HGS: variants seen among roughly 807,000 people sequenced by gnomAD.
HGS encodes the protein hepatocyte growth factor-regulated tyrosine kinase substrate.
HGS carries 63 observed loss-of-function variants against 109.7 expected under a neutral mutation model. The ratio of observed to expected loss-of-function variants is 0.57; its 90% CI spans 0.47 to 0.71. The LOEUF (loss-of-function observed/expected upper bound fraction) is 0.71, where lower values mean the gene tolerates loss of function less well. HGS is among the 30% of genes least tolerant of loss of function. The pLI, the probability that HGS is intolerant of heterozygous loss-of-function variation, is 0.00. For missense variants in HGS, 995 were observed against 1,068.3 expected (o/e 0.93, Z 0.96); for synonymous variants, 546 against 437.3 (o/e 1.25, Z -3.10).
In HGS at chr17:81,701,532, C is replaced by A. The variant is rs1186119698; in HGVS notation, c.2248C>A (p.Gln750Lys). 1.9e-6 allele frequency: 3 copies of A among 1,563,096 alleles called. No individual in the cohort carries two copies. Among genetic ancestry groups the A allele is most frequent in the Admixed American group, 1.8e-5 (1 of 55,798 alleles). ...QQMAPSGGPP[Q>K]QQPPVAQQPQ... Reference sequence around the variant, plus strand: ...GATGGCACCCTCTGGCGGTCCCCCCCAGCAGCAGCCCCCCGTGGCCCAGCA... The same window carrying A: ...GATGGCACCCTCTGGCGGTCCCCCCAAGCAGCAGCCCCCCGTGGCCCAGCA... Residue 750 changes from glutamine to lysine, a missense_variant, in exon 22 of 22, where the codon CAG becomes AAG. Physicochemically the swap from Gln to Lys is moderately conservative, Grantham distance 53 (BLOSUM62 1). Around this residue, in one of 6 missense-constraint regions of HGS, gnomAD observed 326 missense variants for 309.7 expected, o/e 1.05. Transcript: ENST00000329138.
chr17:81,695,558 C>T, intron 14 of HGS: 3 of 602,378 alleles, frequency 5.0e-6, no homozygotes, highest in South Asian at 4.0e-5. Context: ...GGAGAGGGAG[C>T]TGGCAGTGGG....
intron 1 of HGS, 124 bp from the exon 2 acceptor site, chr17:81,685,481 T>G (rs1196804103): frequency 3.3e-6 from 2 of 612,720 alleles, no homozygotes; most frequent in Admixed American, 3.2e-5. Context: ...CTGTCATGCT[T>G]TTTCATTTGG....
chr17:81,701,367 G>T, intron 21 of HGS, 141 bp from the exon 22 acceptor site: 1 of 977,150 alleles, frequency 1.0e-6, no homozygotes, highest in Non-Finnish European at 1.5e-6. Flanking sequence ...GGCAAAGGCC[G>T]CATGAGCTGG....
intron 5 of HGS, 80 bp downstream of exon 5, chr17:81,688,907 G>A (rs1032852529): frequency 1.9e-6 from 3 of 1,568,472 alleles, no homozygotes; most frequent in African/African-American, 1.4e-5. Flanking sequence ...AGTGGCGAGG[G>A]GCCTGGGAAG....
intron 1 of HGS, 107 bp downstream of exon 1, chr17:81,684,210 G>C (rs2036931194): frequency 9.6e-7 from 1 of 1,039,070 alleles, no homozygotes. Flanking sequence ...CGGCCGCCCT[G>C]CCCGCCTCTC....
At position 81,700,495 on chromosome 17, in the gene HGS, C is replaced by T; in HGVS notation, c.1911C>T (p.Tyr637=). The change falls in exon 19 of 22, where the codon TAC becomes TAT. Residue 637 remains tyrosine, a synonymous_variant. Coordinates refer to ENST00000329138, the MANE Select transcript of HGS (RefSeq NM_004712.5). ...ADPSMVSAYM[Y]PAGATGAQAA... is the part of the protein sequence containing the mutation. ...CCAGCATGGTGAGTGCCTACATGTA[C>T]CCAGCAGGGGCCACTGGGGCGCAGG... 1 of 1,600,426 alleles carries T rather than the reference C, an allele frequency of 6.2e-7. No individual in the cohort carries two copies. The highest frequency in any genetic ancestry group is 8.5e-7 in the Non-Finnish European group (1 of 1,172,992).
chr17:81,688,629 C>T, intron 4 of HGS, 75 bp from the exon 5 acceptor site: 2 of 1,575,628 alleles, frequency 1.3e-6, no homozygotes, highest in Non-Finnish European at 1.7e-6. Flanking sequence ...TGAGGTCTGC[C>T]AGCTGCTTCC....
intron 1 of HGS, among the ~76,000 whole-genome samples, chr17:81,684,649 T>C (rs573539239): frequency 4.5e-4 from 69 of 152,192 alleles, no homozygotes; most frequent in African/African-American, 1.6e-3. Context: ...TTTTTGGAGG[T>C]GAAAGCTGAT....
intron 18 of HGS, 100 bp downstream of exon 18, chr17:81,697,098 A>G: frequency 7.8e-7 from 1 of 1,278,248 alleles, no homozygotes; most frequent in Non-Finnish European, 1.1e-6. Context: ...GGGTTTTCCC[A>G]GTTGCCCCGA....
In HGS at chr17:81,701,512, C is replaced by T; in HGVS notation, c.2228C>T (p.Ala743Val). 6.4e-7 allele frequency: 1 copy of T among 1,554,998 alleles called. No individual in the cohort carries two copies. The highest frequency in any genetic ancestry group is 8.6e-7 in the Non-Finnish European group (1 of 1,156,884). The change falls in exon 22 of 22, where the codon GCA (alanine) becomes GTA (valine). Residue 743 changes from alanine to valine, a missense_variant. Physicochemically the swap from Ala to Val is moderately conservative, Grantham distance 64. Transcript: ENST00000329138. Reference sequence around the variant, plus strand: ...GCCTGCTTTCCTCCTGCACAGATGGCACCCTCTGGCGGTCCCCCCCAGCAG... The same window carrying T: ...GCCTGCTTTCCTCCTGCACAGATGGTACCCTCTGGCGGTCCCCCCCAGCAG... ...AGQQPMYQQMAPSGGPPQQQP... is the reference protein window; with the variant it reads ...AGQQPMYQQMVPSGGPPQQQP...
Position 81,693,659 on chromosome 17 carries a change from C to A in HGS, c.747C>A (p.Pro249=), listed in dbSNP as rs977800292. ...TSPLSQQSQL[P]PKRDETALQE... is the part of the protein sequence containing the mutation. ...CCCTCCCCGCTTGTCCTCAGCTGCC[C>A]CCCAAGAGGGACGAGACGGCCCTGC... The change falls in exon 10 of 22, where the codon CCC becomes CCA. Residue 249 remains proline (P), a synonymous_variant. Transcript: ENST00000329138. 5 of 1,555,376 alleles carry A rather than the reference C, an allele frequency of 3.2e-6. No individual in the cohort carries two copies. The African/African-American group carries it at 5.4e-5, about 17-fold the overall frequency.
rs535876597 is a variant in HGS at position 81,694,026 on chromosome 17, C to A, written c.936+61C>A. The A allele has an allele frequency of 3.5e-6, 5 of 1,430,396 alleles. No individual in the cohort carries two copies. In the African/African-American group the frequency reaches 4.3e-5, roughly 12 times the overall value. The allele number at this position is 1,430,396 out of a possible 1,614,324, so 88.6% of individuals were successfully genotyped here. A position where few individuals can be genotyped will look rare whatever the true frequency, so the allele number is the denominator to read the frequency against. ...AAGGCAGTAGGGTTGATGGGGGACGCGGGTCCCTGAGCTGATTTAGTCAGG... is the reference window on the plus strand; with the variant it reads ...AAGGCAGTAGGGTTGATGGGGGACGAGGGTCCCTGAGCTGATTTAGTCAGG... On this transcript the variant is annotated intron_variant, in intron 11 of 21. Transcript: ENST00000329138.
In HGS at chr17:81,696,886, C is replaced by T; in HGVS notation, c.1770C>T (p.Pro590=). The T allele has an allele frequency of 1.2e-6, 2 of 1,610,676 alleles. No individual in the cohort carries two copies. Among genetic ancestry groups the T allele is most frequent in the Non-Finnish European group, 1.7e-6 (2 of 1,179,832 alleles). ...AGCCCTCGGGACCAGCCAGCTTCCCCAGCACCTTCAGCCCTGCCGGCTCGG... is the reference window on the plus strand; with the variant it reads ...AGCCCTCGGGACCAGCCAGCTTCCCTAGCACCTTCAGCCCTGCCGGCTCGG... The part of the protein sequence containing the change: ...LYQPSGPASF[P]STFSPAGSVE... Residue 590 remains proline, a synonymous_variant, in exon 18 of 22, where the codon CCC becomes CCT. Coordinates refer to ENST00000329138, the MANE Select transcript of HGS (RefSeq NM_004712.5).
At chr17:81,690,797 C>T (rs769871808) in intron 7 of HGS, 55 bp downstream of exon 7, 216 of 1,511,140 alleles carry the variant, frequency 1.4e-4, no homozygotes, top group Non-Finnish European at 1.8e-4. Context: ...GGTCCCCTGC[C>T]GTGCACAAGG....
chr17:81,695,681 C>T (rs755037986), intron 14 of HGS, 105 bp from the exon 15 acceptor site: 18 of 1,010,206 alleles, frequency 1.8e-5, no homozygotes, highest in Admixed American at 1.7e-4. Context: ...AGCAGATGGA[C>T]TCTGCTCCAG....
intron 1 of HGS, 63 bp downstream of exon 1, chr17:81,684,166 T>A: frequency 3.9e-6 from 5 of 1,269,862 alleles, no homozygotes; most frequent in Non-Finnish European, 5.2e-6. Context: ...CGGCGCTGAG[T>A]CAGCGCGGCC....
chr17:81,696,214 GC>G, intron 15 of HGS, 142 bp from the exon 16 acceptor site: 2 of 1,144,924 alleles, frequency 1.7e-6, no homozygotes, highest in East Asian at 5.2e-5. Flanking sequence ...AGGACCCTCT[GC>G]CTGCCTCCCC....
At chr17:81,685,021 C>A (rs1444784026) in intron 1 of HGS, 2 of 985,390 alleles carry the variant, frequency 2.0e-6, no homozygotes, top group Non-Finnish European at 2.4e-6. Context: ...GAGCTGCCCC[C>A]CCAGAGGGGC....
intron 1 of HGS, chr17:81,685,123 T>C (rs2036954847): frequency 1.0e-6 from 1 of 958,590 alleles, no homozygotes. Context: ...TCCAAAGCAC[T>C]TGGCTTGGAG....
Sources: allele counts gnomAD v4.1 joint callset (sites outside exome capture counted in the v4.1 genomes callset), GRCh38; gene constraint gnomAD v4.1.1; regional missense constraint gnomAD v4.1.1; transcripts MANE v1.5; gene names NCBI Gene and HGNC (gene_info 2026-07-23, HGNC 2026-07-21).